BRAF: variants seen among roughly 807,000 people sequenced by gnomAD.
BRAF encodes the protein serine/threonine-protein kinase B-raf.
In BRAF, 16 loss-of-function variants were observed where a neutral mutation model predicts 104.6. The observed-to-expected ratio is 0.15, with a 90% CI of 0.10 to 0.23. The LOEUF is 0.23. Among genes scored for constraint, BRAF ranks in the 10% least tolerant of loss-of-function variants. BRAF has a pLI of 1.00. For missense variants in BRAF, 541 were observed against 937.3 expected (o/e 0.58, Z 5.52); for synonymous variants, 310 against 341.6 (o/e 0.91, Z 1.02).
intron 3 of BRAF, among the ~76,000 whole-genome samples, chr7:140,831,870 A>C (rs1806796018): frequency 6.6e-6 from 1 of 152,218 alleles, no homozygotes; most frequent in Non-Finnish European, 1.5e-5. Context: ...ACCTTCGACT[A>C]ATTACTCTGA....
chr7:140,830,801 C>T (rs1442733642), intron 3 of BRAF, among the ~76,000 whole-genome samples: 1 of 152,240 alleles, frequency 6.6e-6, no homozygotes, highest in East Asian at 1.9e-4. Flanking sequence ...CTAAAGAGAG[C>T]ACAGAAGCTC....
At position 140,723,275 on chromosome 7, in the gene BRAF, A is replaced by G. The variant is rs759921640; in HGVS notation, c.*3219T>C. Reference sequence around the variant, plus strand: ...GAAAGTGCTGTCACCGCACCAAACCAGAAGCTAGGAAATATTTACAAAGTT... The same window carrying G: ...GAAAGTGCTGTCACCGCACCAAACCGGAAGCTAGGAAATATTTACAAAGTT... On this transcript the variant is annotated 3_prime_UTR_variant, in exon 20 of 20. Transcript: ENST00000644969. 3.8e-6 allele frequency: 4 copies of G among 1,056,590 alleles called. No individual in the cohort carries two copies. Among genetic ancestry groups the G allele is most frequent in the Non-Finnish European group, 4.6e-6 (4 of 873,888 alleles). 65.5% of individuals were successfully genotyped at this position (1,056,590 alleles called of 1,614,324 possible). A position where few individuals can be genotyped will look rare whatever the true frequency, so the allele number is the denominator to read the frequency against.
chr7:140,838,341 A>T (rs1321759944), intron 2 of BRAF, among the ~76,000 whole-genome samples: 1 of 152,174 alleles, frequency 6.6e-6, no homozygotes, highest in East Asian at 1.9e-4. Flanking sequence ...AGTAAAACAA[A>T]TTATTGTAGA....
Position 140,725,649 on chromosome 7 carries a change from T to G in BRAF, c.*845A>C. ...TAAGTAGTTGGTGACTGGAAGAGCA[T>G]AGGAGGAAGATATAAACTGTATTTC... On this transcript the variant is annotated 3_prime_UTR_variant, in exon 20 of 20. Transcript: ENST00000644969. 9.5e-7 allele frequency: 1 copy of G among 1,057,500 alleles called. No homozygotes were observed. The highest frequency in any genetic ancestry group is 1.1e-6 in the Non-Finnish European group (1 of 874,828). The allele number at this position is 1,057,500 out of a possible 1,614,324, so 65.5% of individuals were successfully genotyped here.
chr7:140,713,637 T>C, the BRAF span, among the ~76,000 whole-genome samples: 1 of 152,240 alleles, frequency 6.6e-6, no homozygotes, highest in Non-Finnish European at 1.5e-5. Flanking sequence ...CCAGCTTTCT[T>C]CCGTTGCTGG....
chr7:140,734,401 T>A (rs1796209642), intron 19 of BRAF: 1 of 1,460,530 alleles, frequency 6.8e-7, no homozygotes, highest in Admixed American at 2.4e-5. Flanking sequence ...ATTTTAACCC[T>A]TGGATGTTAA....
chr7:140,923,863 G>C (rs953534351), intron 1 of BRAF, among the ~76,000 whole-genome samples: 2 of 152,196 alleles, frequency 1.3e-5, no homozygotes, highest in African/African-American at 2.4e-5. Context: ...TGGAAAATGA[G>C]CGGGCGGTAG....
intron 7 of BRAF, chr7:140,800,140 A>G (rs1410842387): frequency 3.1e-6 from 2 of 643,468 alleles, no homozygotes; most frequent in Admixed American, 2.9e-5. Context: ...ATCATACCCA[A>G]TATTGATTTT....
Position 140,759,561 on chromosome 7 carries a change from T to C in BRAF, c.1815-5328A>G, listed in dbSNP as rs147845195. Among the ~76,000 whole-genome samples the C allele has an allele frequency of 2.9e-3, 440 of 152,322 alleles. 1 individual carries two copies. Among genetic ancestry groups the C allele is most frequent in the Admixed American group, 4.3e-3 (66 of 15,298 alleles). On this transcript the variant is annotated intron_variant, in intron 14 of 19. Transcript: ENST00000644969. ...ACCACCACGTCCAGCTAATTTTGTA[T>C]TTTTAGTAGAGATGGGGTTTCACCA...
intron 2 of BRAF, among the ~76,000 whole-genome samples, chr7:140,839,235 G>T (rs1193508906): frequency 6.6e-6 from 1 of 152,124 alleles, no homozygotes; most frequent in Non-Finnish European, 1.5e-5. Flanking sequence ...AGCTCTTTGG[G>T]AGGTCAACGC....
intron 14 of BRAF, among the ~76,000 whole-genome samples, chr7:140,770,664 A>T (rs1799750880): frequency 6.6e-6 from 1 of 152,044 alleles, no homozygotes; most frequent in African/African-American, 2.4e-5. Flanking sequence ...GGCCAGGTGC[A>T]GTGACTCACG....
At chr7:140,813,383 TAAC>T (rs1388726496) in intron 3 of BRAF, among the ~76,000 whole-genome samples, 1 of 152,166 alleles carries the variant, frequency 6.6e-6, no homozygotes, top group Non-Finnish European at 1.5e-5. Context: ...AAAAAATTGA[TAAC>T]ATATTCTACT....
intron 3 of BRAF, among the ~76,000 whole-genome samples, chr7:140,825,388 C>A (rs1805929601): frequency 6.6e-6 from 1 of 152,136 alleles, no homozygotes; most frequent in Non-Finnish European, 1.5e-5. Flanking sequence ...TTAATACTGT[C>A]TTTTGAAGAG....
intron 10 of BRAF, 35 bp from the exon 10 acceptor site, chr7:140,783,192 G>T (rs1337886612): frequency 6.2e-7 from 1 of 1,611,656 alleles, no homozygotes; most frequent in Non-Finnish European, 8.5e-7. Context: ...ATACATTAAG[G>T]AGGAGCAAGT....
intron 1 of BRAF, among the ~76,000 whole-genome samples, chr7:140,895,772 G>A (rs1042231948): frequency 6.6e-6 from 1 of 152,052 alleles, no homozygotes; most frequent in Non-Finnish European, 1.5e-5. Context: ...CCTTTTTACG[G>A]CTGAATAGCA....
intron 1 of BRAF, among the ~76,000 whole-genome samples, chr7:140,894,838 A>G (rs1445134713): frequency 6.6e-6 from 1 of 152,216 alleles, no homozygotes; most frequent in Non-Finnish European, 1.5e-5. Context: ...AATGCTGTAT[A>G]TAACATCCAC....
chr7:140,797,643 T>C (rs1802627951), intron 7 of BRAF, among the ~76,000 whole-genome samples: 1 of 152,136 alleles, frequency 6.6e-6, no homozygotes, highest in East Asian at 1.9e-4. Flanking sequence ...AGGCAAATGG[T>C]TTCTTAATTT....
Position 140,720,436 on chromosome 7 carries a change from C to T in BRAF, c.*6058G>A, listed in dbSNP as rs575432868. 9.4e-7 allele frequency: 1 copy of T among 1,062,970 alleles called. No homozygotes were observed. The highest frequency in any genetic ancestry group is 5.4e-5 in the Admixed American group (1 of 18,660). The allele number at this position is 1,062,970 out of a possible 1,614,324, so 65.8% of individuals were successfully genotyped here. ...AGATAAATAAGACATAAAGGCTAGCCACTTACGTTGGTCATTAACATGAAT... is the reference window on the plus strand; with the variant it reads ...AGATAAATAAGACATAAAGGCTAGCTACTTACGTTGGTCATTAACATGAAT... On this transcript the variant is annotated 3_prime_UTR_variant, in exon 20 of 20. Transcript: ENST00000644969.
intron 3 of BRAF, among the ~76,000 whole-genome samples, chr7:140,817,833 ATATAACC>A (rs1371452004): frequency 2.6e-5 from 4 of 152,222 alleles, no homozygotes; most frequent in Non-Finnish European, 1.5e-5. Context: ...AAAAATCCAA[ATATAACC>A]TAAATGCTCA....
Sources: gnomAD v4.1 joint callset for allele counts (sites outside exome capture counted in the v4.1 genomes callset) on GRCh38, gnomAD v4.1.1 for gene constraint, MANE v1.5 for transcripts, NCBI Gene and HGNC (gene_info 2026-07-23, HGNC 2026-07-21) for gene names.